PPP2CB: variants seen among roughly 807,000 people sequenced by gnomAD.
The protein encoded by PPP2CB is serine/threonine-protein phosphatase 2A catalytic subunit beta isoform.
Under a neutral mutation model 39.1 loss-of-function variants are expected in PPP2CB, and 18 were observed. That is an observed-to-expected ratio of 0.46 (90% CI 0.32 to 0.68). The LOEUF (loss-of-function observed/expected upper bound fraction) is 0.68, where lower values mean the gene tolerates loss of function less well. Ranked by LOEUF, PPP2CB falls within the 30% of genes least tolerant of loss-of-function variation. The pLI is 0.04. For missense variants in PPP2CB, 226 were observed against 396.9 expected, an observed-to-expected ratio of 0.57 and a Z score of 3.66; for synonymous variants, 129 against 133.8, an observed-to-expected ratio of 0.96 and a Z score of 0.25.
intron 6 of PPP2CB, 128 bp downstream of exon 6, chr8:30,791,069 T>C: frequency 1.7e-6 from 1 of 595,178 alleles, no homozygotes; most frequent in Non-Finnish European, 2.9e-6. Flanking sequence ...CTCCAGCTAA[T>C]GGTTATTTTT....
At chr8:30,799,144 G>C (rs532623545) in intron 2 of PPP2CB, among the ~76,000 whole-genome samples, 27 of 152,266 alleles carry the variant, frequency 1.8e-4, no homozygotes, top group South Asian at 4.1e-4. Flanking sequence ...GTGGATTTGG[G>C]GGGGATCAGA....
chr8:30,792,501 C>G (rs6468459), intron 5 of PPP2CB, among the ~76,000 whole-genome samples: 3,155 of 152,044 alleles, frequency 0.021, 103 homozygotes, highest in African/African-American at 0.067. Context: ...TGGAGTGCAG[C>G]GGTACGATCA....
At chr8:30,786,446 T>G in intron 6 of PPP2CB, 139 bp from the exon 7 acceptor site, 1 of 628,404 alleles carries the variant, frequency 1.6e-6, no homozygotes, top group Non-Finnish European at 2.7e-6. Context: ...GGAATGGCCA[T>G]GGGCAAATCA....
chr8:30,799,124 C>A (rs190076759), intron 2 of PPP2CB, among the ~76,000 whole-genome samples: 1 of 152,032 alleles, frequency 6.6e-6, no homozygotes, highest in Non-Finnish European at 1.5e-5. Context: ...CATCGGCCAG[C>A]GTATGCCAGG....
At chr8:30,798,975 A>G (rs1174659559) in intron 2 of PPP2CB, among the ~76,000 whole-genome samples, 1 of 152,248 alleles carries the variant, frequency 6.6e-6, no homozygotes, top group Non-Finnish European at 1.5e-5. Flanking sequence ...GATTTGAGCC[A>G]GAGTTTATGC....
chr8:30,789,671 G>C (rs921882204), intron 6 of PPP2CB, among the ~76,000 whole-genome samples: 2 of 152,144 alleles, frequency 1.3e-5, no homozygotes, highest in African/African-American at 4.8e-5. Flanking sequence ...AGGTGCTCCT[G>C]GATCAGAGTA....
At chr8:30,787,912 A>T (rs1241820368) in intron 6 of PPP2CB, among the ~76,000 whole-genome samples, 1 of 152,118 alleles carries the variant, frequency 6.6e-6, no homozygotes, top group Non-Finnish European at 1.5e-5. Flanking sequence ...ATATTTCTTG[A>T]GTCAGTTTCA....
At chr8:30,793,740 G>A in intron 5 of PPP2CB, 177 bp downstream of exon 5, 1 of 583,132 alleles carries the variant, frequency 1.7e-6, no homozygotes, top group Non-Finnish European at 2.7e-6. Context: ...TCAAAAATGA[G>A]TTATAATTCT....
At chr8:30,808,976 G>C (rs12544653) in intron 1 of PPP2CB, among the ~76,000 whole-genome samples, 1 of 146,270 alleles carries the variant, frequency 6.8e-6, no homozygotes, top group Non-Finnish European at 1.5e-5. Context: ...CCAGGCTGGA[G>C]TGCAGCGGTA....
At chr8:30,805,630 A>T (rs945981438) in intron 1 of PPP2CB, among the ~76,000 whole-genome samples, 12 of 152,064 alleles carry the variant, frequency 7.9e-5, no homozygotes, top group Non-Finnish European at 1.8e-4. Context: ...CCTGCATATT[A>T]AAAAAAATCC....
intron 1 of PPP2CB, chr8:30,810,277 CCCATCT>C: frequency 6.6e-6 from 1 of 152,364 alleles, no homozygotes; most frequent in Middle Eastern, 3.4e-3. Context: ...ATGGCAAAAC[CCCATCT>C]CTACTAGAAA....
chr8:30,809,591 G>A (rs1232205200), intron 1 of PPP2CB, among the ~76,000 whole-genome samples: 1 of 152,040 alleles, frequency 6.6e-6, no homozygotes, highest in Non-Finnish European at 1.5e-5. Context: ...AGAGAACAAA[G>A]ATGAATGAAT....
chr8:30,809,800 G>C (rs1014155546), intron 1 of PPP2CB, among the ~76,000 whole-genome samples: 13 of 151,964 alleles, frequency 8.6e-5, no homozygotes, highest in African/African-American at 3.1e-4. Flanking sequence ...ATCCCGGTGT[G>C]GTGACACATG....
chr8:30,789,961 T>G (rs923834193), intron 6 of PPP2CB, among the ~76,000 whole-genome samples: 1 of 152,202 alleles, frequency 6.6e-6, no homozygotes, highest in African/African-American at 2.4e-5. Context: ...AATCCTTAGC[T>G]GGTAGATGCA....
chr8:30,799,505 G>A (rs747290086), intron 2 of PPP2CB, 41 bp downstream of exon 2: 8 of 1,538,258 alleles, frequency 5.2e-6, no homozygotes, highest in Non-Finnish European at 6.3e-6. Context: ...CTTTTGCCTG[G>A]TTTAAATCTT....
intron 2 of PPP2CB, among the ~76,000 whole-genome samples, chr8:30,798,920 T>TG (rs2128761551): frequency 6.6e-6 from 1 of 152,270 alleles, no homozygotes; most frequent in South Asian, 2.1e-4. Flanking sequence ...GGAAATCGAC[T>TG]ATGGAAATAA....
chr8:30,798,836 T>G (rs150967244), intron 2 of PPP2CB, among the ~76,000 whole-genome samples: 2 of 152,204 alleles, frequency 1.3e-5, no homozygotes, highest in Admixed American at 6.5e-5. Context: ...GGTTGAAGGT[T>G]ACATGGAGGA....
chr8:30,794,800 T>C (rs1416585166), intron 3 of PPP2CB, among the ~76,000 whole-genome samples: 2 of 152,216 alleles, frequency 1.3e-5, no homozygotes, highest in Non-Finnish European at 2.9e-5. Context: ...ATTGCTGATA[T>C]ATACAATTTT....
chr8:30,788,132 A>C (rs1371459855), intron 6 of PPP2CB, among the ~76,000 whole-genome samples: 1 of 151,076 alleles, frequency 6.6e-6, no homozygotes, highest in East Asian at 1.9e-4. Flanking sequence ...TTCTGTAATG[A>C]TTTTCTACTG....
Sources: allele counts gnomAD v4.1 joint callset (sites outside exome capture counted in the v4.1 genomes callset), GRCh38; gene constraint gnomAD v4.1.1; transcripts MANE v1.5; gene names NCBI Gene and HGNC (gene_info 2026-07-23, HGNC 2026-07-21).